Variants in PLEKHG7 observed in about 807,000 individuals in gnomAD.
PLEKHG7 encodes pleckstrin homology domain-containing family G member 7.
A neutral mutation model predicts 85.2 loss-of-function variants in PLEKHG7; 77 were observed. The observed-to-expected ratio is 0.90, with a 90% CI of 0.75 to 1.09. PLEKHG7 has a LOEUF of 1.09. Ranked by LOEUF, PLEKHG7 falls within the 50% of genes least tolerant of loss-of-function variation. The probability of loss-of-function intolerance (pLI) is 0.00; values close to 1 mark genes in which losing one functional copy is unlikely to be tolerated. For synonymous variants in PLEKHG7, 301 were observed against 302.4 expected, an observed-to-expected ratio of 1.00 and a Z score of 0.05; for missense variants, 777 against 804.3, an observed-to-expected ratio of 0.97 and a Z score of 0.41.
chr12:92,765,128 G>T (rs1873153741), intron 15 of PLEKHG7, among the ~76,000 whole-genome samples: 1 of 152,100 alleles, frequency 6.6e-6, no homozygotes, highest in Non-Finnish European at 1.5e-5. Context: ...CTTAAAGAGT[G>T]AATGAATGAA....
intron 11 of PLEKHG7, among the ~76,000 whole-genome samples, chr12:92,754,650 C>G (rs1872777617): frequency 6.6e-6 from 1 of 152,136 alleles, no homozygotes; most frequent in Non-Finnish European, 1.5e-5. Flanking sequence ...GGATAAATTA[C>G]CATTCATCAT....
chr12:92,747,159 G>A (rs1158896579), intron 10 of PLEKHG7, among the ~76,000 whole-genome samples: 2 of 151,708 alleles, frequency 1.3e-5, no homozygotes, highest in Non-Finnish European at 2.9e-5. Flanking sequence ...GAATATACAA[G>A]GAACTTGAAG....
intron 13 of PLEKHG7, among the ~76,000 whole-genome samples, chr12:92,760,090 G>A (rs2136627715): frequency 6.6e-6 from 1 of 152,212 alleles, no homozygotes; most frequent in East Asian, 1.9e-4. Context: ...AGAGAGCTTA[G>A]CCCTGCCCTT....
intron 10 of PLEKHG7, among the ~76,000 whole-genome samples, chr12:92,746,727 A>G (rs1872544432): frequency 1.3e-5 from 2 of 152,226 alleles, no homozygotes; most frequent in Non-Finnish European, 2.9e-5. Flanking sequence ...CTATATACAT[A>G]TATTCAAAGC....
intron 3 of PLEKHG7, chr12:92,721,449 G>A (rs1009183263): frequency 8.1e-7 from 1 of 1,231,214 alleles, no homozygotes; most frequent in African/African-American, 1.6e-5. Context: ...GGTACCAGAA[G>A]GGAGACGAGA....
chr12:92,707,202 G>A, intron 2 of PLEKHG7, 64 bp downstream of exon 2: 2 of 1,534,604 alleles, frequency 1.3e-6, no homozygotes, highest in Non-Finnish European at 1.7e-6. Context: ...AGATCTCAGA[G>A]TTGCTTAGTT....
chr12:92,742,422 A>G (rs1872390755), intron 9 of PLEKHG7, among the ~76,000 whole-genome samples: 1 of 152,174 alleles, frequency 6.6e-6, no homozygotes, highest in Non-Finnish European at 1.5e-5. Context: ...GTTGGGATGC[A>G]TAGTAGGGCA....
intron 15 of PLEKHG7, among the ~76,000 whole-genome samples, chr12:92,766,134 A>G (rs1873189026): frequency 6.6e-6 from 1 of 152,242 alleles, no homozygotes; most frequent in East Asian, 1.9e-4. Flanking sequence ...TTACCTGCCC[A>G]AGGGATGGCA....
At chr12:92,715,329 T>C (rs549997023) in intron 3 of PLEKHG7, among the ~76,000 whole-genome samples, 1 of 152,214 alleles carries the variant, frequency 6.6e-6, no homozygotes, top group Admixed American at 6.5e-5. Context: ...GGGTCTGCCT[T>C]CCCCCGCCCA....
chr12:92,746,200 T>C (rs1157420062), intron 10 of PLEKHG7, among the ~76,000 whole-genome samples: 1 of 152,248 alleles, frequency 6.6e-6, no homozygotes, highest in Admixed American at 6.5e-5. Flanking sequence ...GATATTTCTT[T>C]AGTCTGAACT....
chr12:92,742,743 G>A (rs566554741), intron 9 of PLEKHG7, among the ~76,000 whole-genome samples: 2 of 151,812 alleles, frequency 1.3e-5, no homozygotes, highest in Admixed American at 6.6e-5. Context: ...GCACCACCAC[G>A]CCGAGTTAAT....
rs1222444495 is a variant in PLEKHG7 at position 92,706,583 on chromosome 12, C to T, written c.-49C>T. The T allele has an allele frequency of 5.2e-6, 8 of 1,534,158 alleles. No homozygotes were observed. The highest frequency in any genetic ancestry group is 5.2e-5 in the South Asian group (4 of 77,308). ...CTCCATGTGATCCAGAGAACAGCAA[C>T]TCATACGTCTTCTGGAACCTTCTAC... On this transcript the variant is annotated 5_prime_UTR_variant, in exon 2 of 17. Transcript: ENST00000344636.
intron 5 of PLEKHG7, among the ~76,000 whole-genome samples, chr12:92,734,285 T>TTTCCTCCTTCCTTTCTTCCC: frequency 6.6e-6 from 1 of 152,166 alleles, no homozygotes; most frequent in Admixed American, 6.6e-5. Context: ...TTTTCCTTCC[T>TTTCCTCCTTCCTTTCTTCCC]TTCCTCCTTC....
intron 3 of PLEKHG7, among the ~76,000 whole-genome samples, chr12:92,728,506 A>G (rs1871888476): frequency 1.3e-5 from 2 of 150,490 alleles, no homozygotes. Flanking sequence ...ATATATAAAT[A>G]TATGTATATA....
intron 9 of PLEKHG7, among the ~76,000 whole-genome samples, chr12:92,744,489 G>T (rs958851639): frequency 5.3e-5 from 8 of 152,020 alleles, no homozygotes; most frequent in African/African-American, 1.9e-4. Flanking sequence ...TTAACAATTT[G>T]CCTTATTCTA....
At chr12:92,707,237 A>G (rs1159862566) in intron 2 of PLEKHG7, 99 bp downstream of exon 2, 2 of 1,468,944 alleles carry the variant, frequency 1.4e-6, no homozygotes, top group Non-Finnish European at 1.8e-6. Context: ...TAGATCCTAA[A>G]AAGGAGACAG....
At position 92,729,092 on chromosome 12, in the gene PLEKHG7, A is replaced by G; in HGVS notation, c.630A>G (p.Leu210=). 1 of 1,231,778 alleles carries G rather than the reference A, an allele frequency of 8.1e-7. No individual in the cohort carries two copies. The highest frequency in any genetic ancestry group is 1.0e-6 in the Non-Finnish European group (1 of 987,778). 76.3% of individuals were successfully genotyped at this position (1,231,778 alleles called of 1,614,324 possible). Residue 210 remains leucine, a synonymous_variant, in exon 4 of 17, where the codon CTA becomes CTG. Transcript: ENST00000344636. ...TGTCAGATGGAGCTGCTGATTACCT[A>G]TGCCATCCACTTCTGCTGCTGAATT... ...LLVSDGAADY[L]CHPLLLLNSE... is the part of the protein sequence containing the mutation.
At chr12:92,726,240 G>T (rs1871813195) in intron 3 of PLEKHG7, among the ~76,000 whole-genome samples, 1 of 152,158 alleles carries the variant, frequency 6.6e-6, no homozygotes, top group South Asian at 2.1e-4. Flanking sequence ...AATGGAAAGA[G>T]CAGAGGAAGG....
intron 3 of PLEKHG7, among the ~76,000 whole-genome samples, chr12:92,715,716 C>CAA (rs11331072): frequency 0.028 from 2,396 of 86,876 alleles, 76 homozygotes; most frequent in African/African-American, 0.075. Context: ...GTTCTTGCCT[C>CAA]AAAAAAAAAA....
Sources: allele counts gnomAD v4.1 joint callset (sites outside exome capture counted in the v4.1 genomes callset), GRCh38; gene constraint gnomAD v4.1.1; transcripts MANE v1.5; gene names NCBI Gene and HGNC (gene_info 2026-07-23, HGNC 2026-07-21).